SEMA4D: variants seen among roughly 807,000 people sequenced by gnomAD.
SEMA4D encodes the protein semaphorin 4D.
Under a neutral mutation model 74.8 loss-of-function variants are expected in SEMA4D, and 22 were observed. The observed-to-expected ratio is 0.29, with a 90% CI of 0.21 to 0.42. The LOEUF is 0.42. Among genes scored for constraint, SEMA4D ranks in the 10% least tolerant of loss-of-function variants. The probability of loss-of-function intolerance (pLI) is 1.00; values close to 1 mark genes in which losing one functional copy is unlikely to be tolerated. For synonymous variants in SEMA4D, 445 were observed against 463.7 expected (o/e 0.96, Z 0.52); for missense variants, 937 against 1,118.4 (o/e 0.84, Z 2.31).
chr9:89,388,008 C>T (rs1394235503), intron 11 of SEMA4D, among the ~76,000 whole-genome samples: 7 of 152,126 alleles, frequency 4.6e-5, no homozygotes, highest in African/African-American at 1.4e-4. Context: ...ATTCTTTTTT[C>T]CTGTTCTAGC....
intron 2 of SEMA4D, among the ~76,000 whole-genome samples, chr9:89,432,576 A>G (rs1052485596): frequency 2.6e-5 from 4 of 152,216 alleles, no homozygotes; most frequent in Non-Finnish European, 4.4e-5. Context: ...GCAGGCCCTC[A>G]ATGATAAAAA....
chr9:89,384,807 CAGGCGG>C, intron 13 of SEMA4D: 4 of 985,390 alleles, frequency 4.1e-6, no homozygotes, highest in Non-Finnish European at 4.8e-6. Flanking sequence ...CTGATGGGGT[CAGGCGG>C]CACAGTCTTT....
chr9:89,486,443 T>TA (rs1825207714), intron 1 of SEMA4D, among the ~76,000 whole-genome samples: 1 of 152,188 alleles, frequency 6.6e-6, no homozygotes, highest in Non-Finnish European at 1.5e-5. Context: ...CCACATGCAT[T>TA]AACCAAAACT....
intron 2 of SEMA4D, among the ~76,000 whole-genome samples, chr9:89,438,468 G>C (rs1180323826): frequency 1.3e-5 from 2 of 152,352 alleles, no homozygotes; most frequent in South Asian, 2.1e-4. Context: ...TCACGACAGA[G>C]CTGGGGTCAT....
downstream of SEMA4D, among the ~76,000 whole-genome samples, chr9:89,374,167 G>A (rs1029639464): frequency 6.6e-6 from 1 of 152,226 alleles, no homozygotes; most frequent in Non-Finnish European, 1.5e-5. Context: ...TGAAAAGGGG[G>A]TGGCGGAGGG....
rs980317976 is a variant in SEMA4D at position 89,379,156 on chromosome 9, C to T, written c.2137G>A (p.Val713Ile). 12 of 1,613,948 alleles carry T rather than the reference C, an allele frequency of 7.4e-6. No individual in the cohort carries two copies. The highest frequency in any genetic ancestry group is 2.2e-5 in the East Asian group (1 of 44,888). Residue 713 changes from valine to isoleucine, a missense_variant, in exon 16 of 16, where the codon GTC becomes ATC. Coordinates refer to ENST00000422704, the MANE Select transcript of SEMA4D (RefSeq NM_001371194.2). ...PTGTSCEPKI[V>I]INTVPQLHSE... is the part of the protein sequence containing the mutation. ...TGGAGCTGGGGGACCGTGTTGATGA[C>T]GATCTTTGGTTCGCAGGATGTGCCG...
chr9:89,386,583 T>TC, intron 12 of SEMA4D, 101 bp from the exon 13 acceptor site: 1 of 694,446 alleles, frequency 1.4e-6, no homozygotes, highest in Admixed American at 2.5e-5. Flanking sequence ...CTCAAGTCAT[T>TC]CCCTCCACAG....
chr9:89,371,109 GT>G (rs1286867628), intron 16 of SEMA4D, among the ~76,000 whole-genome samples: 1 of 17,092 alleles, frequency 5.9e-5, no homozygotes, highest in Non-Finnish European at 1.5e-4. Flanking sequence ...TAAGGTGTGT[GT>G]GGGGGGGTGT....
In SEMA4D at chr9:89,422,656, G is replaced by A. The variant is rs370551235; in HGVS notation, c.-243-16957C>T. 2.0e-5 allele frequency among the ~76,000 whole-genome samples: 3 copies of A among 152,326 alleles called. No homozygotes were observed. In the South Asian group the frequency reaches 6.2e-4, roughly 32 times the overall value. On this transcript the variant is annotated intron_variant, in intron 2 of 15. Transcript: ENST00000422704. Reference sequence around the variant, plus strand: ...ATATTCCATAATTAAATATCATAATGTGGGACATTCCGATCCTTTCCAACT... The same window carrying A: ...ATATTCCATAATTAAATATCATAATATGGGACATTCCGATCCTTTCCAACT...
chr9:89,401,936 G>A (rs931403972), intron 4 of SEMA4D, among the ~76,000 whole-genome samples: 14 of 152,214 alleles, frequency 9.2e-5, no homozygotes, highest in African/African-American at 2.6e-4. Flanking sequence ...AAAGGCCACC[G>A]AGACTGAGGA....
chr9:89,412,517 T>C (rs144116325), intron 2 of SEMA4D, among the ~76,000 whole-genome samples: 62 of 152,312 alleles, frequency 4.1e-4, no homozygotes, highest in African/African-American at 1.5e-3. Flanking sequence ...TGCTTTTACC[T>C]TGGACCAATC....
chr9:89,362,577 C>T, intron 18 of SEMA4D: 3 of 1,395,330 alleles, frequency 2.2e-6, no homozygotes, highest in Middle Eastern at 2.0e-4. Flanking sequence ...TCTAAAGATC[C>T]AAATGCCAGG....
intron 2 of SEMA4D, chr9:89,450,588 A>G (rs1854137337): frequency 2.2e-6 from 2 of 901,852 alleles, no homozygotes. Flanking sequence ...TGACCTCTAT[A>G]AGTCTGAGAT....
intron 2 of SEMA4D, among the ~76,000 whole-genome samples, chr9:89,434,801 C>G (rs567365040): frequency 3.9e-5 from 6 of 152,290 alleles, no homozygotes; most frequent in African/African-American, 1.4e-4. Flanking sequence ...CAGCCATGGA[C>G]CTTTGAGTGA....
chr9:89,497,977 T>TGGCGGCGGCGGC lies in SEMA4D; in HGVS notation c.-380_-369dup, dbSNP rs550742614. The TGGCGGCGGCGGC allele has an allele frequency of 2.1e-5, 3 of 145,424 alleles. No homozygotes were observed. Among genetic ancestry groups the TGGCGGCGGCGGC allele is most frequent in the African/African-American group, 5.0e-5 (2 of 40,152 alleles). 9.0% of individuals were successfully genotyped at this position (145,424 alleles called of 1,614,324 possible). ...GCCGGGCGAGTTCGGGCGCCAGGAA[T>TGGCGGCGGCGGC]GGCGGCGGCGGCGGCGGCGGCAGCG... On this transcript the variant is annotated 5_prime_UTR_variant, in exon 1 of 16. Coordinates refer to ENST00000422704, the MANE Select transcript of SEMA4D (RefSeq NM_001371194.2).
At chr9:89,450,164 C>A in intron 2 of SEMA4D, 1 of 1,264,822 alleles carries the variant, frequency 7.9e-7, no homozygotes, top group Non-Finnish European at 1.2e-6. Context: ...AAACCATTAC[C>A]CAGATTCCCA....
At chr9:89,436,270 TACCAAATGACAAAGAAA>T (rs1850368558) in intron 2 of SEMA4D, 1 of 152,268 alleles carries the variant, frequency 6.6e-6, no homozygotes, top group South Asian at 2.1e-4. Flanking sequence ...CAAGACCATT[TACCAAATGACAAAGAAA>T]ACCCAAGCCC....
rs4877079 is a variant in SEMA4D, at chr9:89,378,163, A to T, written c.*541T>A. The T allele has an allele frequency of 0.11, 17,245 of 152,994 alleles. 1,141 individuals carry two copies. The highest frequency in any genetic ancestry group is 0.2 in the South Asian group (985 of 4,862). The allele number at this position is 152,994 out of a possible 1,614,324, so 9.5% of individuals were successfully genotyped here. On this transcript the variant is annotated 3_prime_UTR_variant, in exon 16 of 16. Transcript: ENST00000422704. ...ACATCTTCTTCTAAATATTAACACA[A>T]CTGCTTCTGTAACTAAAAAAAAATG...
chr9:89,385,717 T>C (rs909988194), intron 13 of SEMA4D: 2 of 454,878 alleles, frequency 4.4e-6, no homozygotes, highest in East Asian at 1.6e-4. Context: ...GGTAGGTATC[T>C]TACCCGGCCA....
Sources: allele counts gnomAD v4.1 joint callset (sites outside exome capture counted in the v4.1 genomes callset), GRCh38; gene constraint gnomAD v4.1.1; transcripts MANE v1.5; gene names NCBI Gene and HGNC (gene_info 2026-07-23, HGNC 2026-07-21).